Variants in METTL8 observed in about 807,000 individuals in gnomAD.
METTL8 encodes tRNA N(3)-cytidine methyltransferase METTL8, mitochondrial.
Under a neutral mutation model 48.7 loss-of-function variants are expected in METTL8, and 32 were observed. The ratio of observed to expected loss-of-function variants is 0.66; its 90% CI spans 0.50 to 0.88. The LOEUF is 0.88. Ranked by LOEUF, METTL8 falls within the 40% of genes least tolerant of loss-of-function variation. The probability of loss-of-function intolerance (pLI) is 0.00; values close to 1 mark genes in which losing one functional copy is unlikely to be tolerated. For missense variants in METTL8, 464 were observed against 474.4 expected (o/e 0.98, Z 0.20); for synonymous variants, 136 against 157.1 (o/e 0.87, Z 1.01).
At chr2:171,410,248 G>A (rs1176439852) in intron 1 of METTL8, among the ~76,000 whole-genome samples, 3 of 152,148 alleles carry the variant, frequency 2.0e-5, no homozygotes, top group Non-Finnish European at 4.4e-5. Context: ...AAGAAACCAG[G>A]CTAGTCCACA....
chr2:171,358,942 G>A (rs1481737865), intron 3 of METTL8, among the ~76,000 whole-genome samples: 1 of 152,026 alleles, frequency 6.6e-6, no homozygotes, highest in Non-Finnish European at 1.5e-5. Context: ...TTAATAATGG[G>A]AATATATTAA....
intron 3 of METTL8, among the ~76,000 whole-genome samples, chr2:171,344,747 T>C (rs1687104189): frequency 6.6e-6 from 1 of 152,166 alleles, no homozygotes; most frequent in Non-Finnish European, 1.5e-5. Context: ...GCTTCTCCAA[T>C]CAATGCTGGC....
Position 171,381,710 on chromosome 2 carries a change from C to T in METTL8, c.143+10333G>A, listed in dbSNP as rs893841768. On this transcript the variant is annotated intron_variant, in intron 2 of 9. Coordinates refer to ENST00000375258, the MANE Select transcript of METTL8 (RefSeq NM_001321154.2). ...AAAACCATGATGAGATATCATCTCACGAGAGTCGGAATGGCGAGTATTAAA... is the reference window on the plus strand; with the variant it reads ...AAAACCATGATGAGATATCATCTCATGAGAGTCGGAATGGCGAGTATTAAA... 6.0e-5 allele frequency among the ~76,000 whole-genome samples: 9 copies of T among 151,112 alleles called. No individual in the cohort carries two copies. In the South Asian group the frequency reaches 6.3e-4, roughly 11 times the overall value.
At chr2:171,405,702 G>A (rs1437138366) in intron 1 of METTL8, among the ~76,000 whole-genome samples, 1 of 152,128 alleles carries the variant, frequency 6.6e-6, no homozygotes, top group Non-Finnish European at 1.5e-5. Context: ...AAAGAAAATT[G>A]CTGACAAAAC....
intron 2 of METTL8, among the ~76,000 whole-genome samples, chr2:171,368,151 G>A (rs1685913480): frequency 6.6e-6 from 1 of 152,174 alleles, no homozygotes; most frequent in Admixed American, 6.5e-5. Context: ...GCTGATTGAT[G>A]AAGCAGTAAA....
chr2:171,409,816 T>C (rs1690567512), intron 1 of METTL8, among the ~76,000 whole-genome samples: 1 of 152,090 alleles, frequency 6.6e-6, no homozygotes, highest in Non-Finnish European at 1.5e-5. Context: ...TCCAGGAAAC[T>C]GCAATGTTCT....
chr2:171,360,368 G>T, intron 3 of METTL8, 54 bp downstream of exon 3: 1 of 1,459,910 alleles, frequency 6.8e-7, no homozygotes, highest in Non-Finnish European at 9.5e-7. Flanking sequence ...ACACGAGGAG[G>T]AGGAAAAGTC....
intron 2 of METTL8, among the ~76,000 whole-genome samples, chr2:171,376,847 C>T (rs1479420576): frequency 6.6e-6 from 1 of 151,790 alleles, no homozygotes; most frequent in Non-Finnish European, 1.5e-5. Context: ...AAAAACATTC[C>T]TAACATTTAT....
chr2:171,365,695 GA>G (rs1289911464), intron 2 of METTL8, among the ~76,000 whole-genome samples: 1 of 152,084 alleles, frequency 6.6e-6, no homozygotes. Flanking sequence ...ACATAATTAT[GA>G]CTTAAAACTC....
At chr2:171,413,354 C>T (rs918961285) in intron 1 of METTL8, among the ~76,000 whole-genome samples, 2 of 152,152 alleles carry the variant, frequency 1.3e-5, no homozygotes, top group African/African-American at 4.8e-5. Context: ...ACCAGAACAA[C>T]ATATCACAAC....
intron 4 of METTL8, 35 bp downstream of exon 4, chr2:171,339,149 T>G: frequency 7.1e-7 from 1 of 1,417,954 alleles, no homozygotes; most frequent in East Asian, 2.3e-5. Flanking sequence ...TCAAATTATT[T>G]GTCACCTCCC....
intron 1 of METTL8, among the ~76,000 whole-genome samples, chr2:171,419,184 C>T (rs552376235): frequency 1.3e-5 from 2 of 152,136 alleles, no homozygotes; most frequent in Admixed American, 6.6e-5. Context: ...ATCTTTGTTC[C>T]TTTTATTAGA....
At chr2:171,434,569 C>G (rs886055105), upstream of METTL8, 15 of 1,525,786 alleles carry the variant, frequency 9.8e-6, no homozygotes, top group Non-Finnish European at 1.2e-5. Flanking sequence ...GGGCCCGGCC[C>G]GCGCCTCCAT....
intron 1 of METTL8, among the ~76,000 whole-genome samples, chr2:171,404,609 G>A (rs906413840): frequency 6.6e-6 from 1 of 152,144 alleles, no homozygotes; most frequent in African/African-American, 2.4e-5. Flanking sequence ...ATGGTTGACA[G>A]TGGGTAAATG....
rs1012299369 is a variant in METTL8 at position 171,323,015 on chromosome 2, GC to G, written c.*1156del. ...GCCATCTTGGTTTTGGTGGCATTTG[GC>G]CGGCTTCTTCACTGCAACCTGTTTT... On this transcript the variant is annotated 3_prime_UTR_variant, in exon 10 of 10. Transcript: ENST00000375258. The G allele has an allele frequency of 2.6e-5, 4 of 152,096 alleles. No homozygotes were observed. The highest frequency in any genetic ancestry group is 9.7e-5 in the African/African-American group (4 of 41,408). The allele number at this position is 152,096 out of a possible 1,614,324, so 9.4% of individuals were successfully genotyped here. A position where few individuals can be genotyped will look rare whatever the true frequency, so the allele number is the denominator to read the frequency against.
chr2:171,370,771 A>C (rs893186396), intron 2 of METTL8, among the ~76,000 whole-genome samples: 10 of 152,216 alleles, frequency 6.6e-5, no homozygotes, highest in African/African-American at 2.2e-4. Context: ...AGCCTGGGCA[A>C]CAGAGTGAGA....
At chr2:171,381,237 C>G (rs1049975737) in intron 2 of METTL8, among the ~76,000 whole-genome samples, 4 of 152,176 alleles carry the variant, frequency 2.6e-5, no homozygotes, top group Admixed American at 2.6e-4. Context: ...CTTCCTTAGA[C>G]CTTATTCAAA....
intron 2 of METTL8, among the ~76,000 whole-genome samples, chr2:171,369,556 A>G (rs1469892084): frequency 2.0e-5 from 3 of 152,246 alleles, no homozygotes; most frequent in African/African-American, 7.2e-5. Context: ...TGGAATTAAT[A>G]AATGTTTTCA....
intron 3 of METTL8, among the ~76,000 whole-genome samples, chr2:171,344,990 G>A (rs1687128825): frequency 1.3e-5 from 2 of 152,138 alleles, no homozygotes; most frequent in South Asian, 2.1e-4. Context: ...ATAATATAGC[G>A]TGGAGAAATC....
Sources: gnomAD v4.1 joint callset for allele counts (sites outside exome capture counted in the v4.1 genomes callset) on GRCh38, gnomAD v4.1.1 for gene constraint, MANE v1.5 for transcripts, NCBI Gene and HGNC (gene_info 2026-07-23, HGNC 2026-07-21) for gene names.